Variants in HPSE2 observed in about 807,000 individuals in gnomAD.
HPSE2 encodes heparanase 2 (inactive).
In HPSE2, 38 loss-of-function variants were observed where a neutral mutation model predicts 60.5. The observed-to-expected ratio is 0.63, with a 90% CI of 0.48 to 0.82. The LOEUF (loss-of-function observed/expected upper bound fraction) is 0.82. HPSE2 is among the 40% of genes least tolerant of loss of function. HPSE2 has a pLI of 0.00. For synonymous variants in HPSE2, 295 were observed against 293.2 expected (o/e 1.01, Z -0.06); for missense variants, 713 against 740.4 (o/e 0.96, Z 0.43).
At chr10:98,667,066 T>C (rs2134101729) in intron 6 of HPSE2, among the ~76,000 whole-genome samples, 1 of 150,536 alleles carries the variant, frequency 6.6e-6, no homozygotes, top group Non-Finnish European at 1.5e-5. Flanking sequence ...ATAAGCACAA[T>C]CAGAAAGACA....
the HPSE2 span, among the ~76,000 whole-genome samples, chr10:99,241,222 A>G: frequency 6.6e-6 from 1 of 152,232 alleles, no homozygotes; most frequent in Non-Finnish European, 1.5e-5. Context: ...AAAGTATTGT[A>G]TAACCCTCCA....
Position 98,912,380 on chromosome 10 carries a change from A to G in HPSE2, c.611-168324T>C, listed in dbSNP as rs1255238707. Among the ~76,000 whole-genome samples the G allele has an allele frequency of 2.6e-5, 4 of 152,260 alleles. No individual in the cohort carries two copies. The East Asian group carries it at 7.7e-4, about 29-fold the overall frequency. ...CTACTTCATTGGCTAAAGATTCTCC[A>G]TTCAGGTTCCTCAAGAAAGTAAAAA... On this transcript the variant is annotated intron_variant, in intron 3 of 11. Transcript: ENST00000370552.
At chr10:98,607,225 G>A (rs934062008) in intron 9 of HPSE2, among the ~76,000 whole-genome samples, 1 of 152,028 alleles carries the variant, frequency 6.6e-6, no homozygotes, top group African/African-American at 2.4e-5. Context: ...CTGTCTGCAC[G>A]TTGCTTCAAG....
At chr10:98,521,972 G>A (rs762971588) in intron 9 of HPSE2, among the ~76,000 whole-genome samples, 5 of 151,990 alleles carry the variant, frequency 3.3e-5, no homozygotes, top group South Asian at 4.2e-4. Flanking sequence ...ATCACACACC[G>A]AGGCCTGTCA....
At chr10:99,220,478 G>A (rs1849270891) in intron 2 of HPSE2, among the ~76,000 whole-genome samples, 2 of 152,122 alleles carry the variant, frequency 1.3e-5, no homozygotes, top group South Asian at 4.1e-4. Context: ...ATACAGGTCA[G>A]ACTGTTGAAA....
At chr10:98,676,428 G>A (rs537779799) in intron 6 of HPSE2, among the ~76,000 whole-genome samples, 12 of 152,284 alleles carry the variant, frequency 7.9e-5, no homozygotes, top group African/African-American at 1.9e-4. Flanking sequence ...ATGAAATACT[G>A]TTCCCTTTTG....
chr10:98,991,326 C>CAG (rs1956518840), intron 3 of HPSE2, among the ~76,000 whole-genome samples: 1 of 152,094 alleles, frequency 6.6e-6, no homozygotes, highest in South Asian at 2.1e-4. Flanking sequence ...GATATATGAA[C>CAG]AGATGCCTGA....
At chr10:98,468,575 C>A (rs4145260) in intron 11 of HPSE2, among the ~76,000 whole-genome samples, 1 of 151,658 alleles carries the variant, frequency 6.6e-6, no homozygotes, top group Non-Finnish European at 1.5e-5. Flanking sequence ...TCCCTTTTAG[C>A]GTCCCTCTCA....
chr10:98,650,995 C>T (rs1565048690), intron 6 of HPSE2, among the ~76,000 whole-genome samples: 1 of 152,310 alleles, frequency 6.6e-6, no homozygotes, highest in Non-Finnish European at 1.5e-5. Context: ...CCAACACACA[C>T]ATCAAACTGC....
At chr10:98,649,841 C>T (rs1946869912) in intron 6 of HPSE2, among the ~76,000 whole-genome samples, 1 of 152,180 alleles carries the variant, frequency 6.6e-6, no homozygotes, top group South Asian at 2.1e-4. Flanking sequence ...CCTGTTTCAG[C>T]CATGATAGAA....
Position 98,804,044 on chromosome 10 carries a change from T to C in HPSE2, c.611-59988A>G, listed in dbSNP as rs969586344. On this transcript the variant is annotated intron_variant, in intron 3 of 11. Transcript: ENST00000370552. ...CCTTGAAGAGGTCCTTCACGTCCCT[T>C]GTAAGTTGGATTCCTAGGTATTTTA... Among the ~76,000 whole-genome samples, 3 of 152,164 alleles carry C rather than the reference T, an allele frequency of 2.0e-5. No homozygotes were observed. In the South Asian group the frequency reaches 6.2e-4, roughly 32 times the overall value.
chr10:98,809,982 G>A (rs550397575), intron 3 of HPSE2, among the ~76,000 whole-genome samples: 1 of 152,014 alleles, frequency 6.6e-6, no homozygotes, highest in African/African-American at 2.4e-5. Context: ...CTTGCCCCTC[G>A]TTTAGTCCAA....
intron 3 of HPSE2, among the ~76,000 whole-genome samples, chr10:98,991,015 T>C (rs976275810): frequency 1.3e-5 from 2 of 152,218 alleles, no homozygotes; most frequent in Non-Finnish European, 2.9e-5. Context: ...TGATCATGCA[T>C]ATTCCCACCT....
chr10:99,032,749 C>G (rs532722729), intron 3 of HPSE2, among the ~76,000 whole-genome samples: 2 of 152,274 alleles, frequency 1.3e-5, no homozygotes, highest in African/African-American at 4.8e-5. Context: ...AAGGGAGAGT[C>G]TATTTCTTTT....
intron 9 of HPSE2, among the ~76,000 whole-genome samples, chr10:98,543,561 A>G (rs915416594): frequency 1.3e-5 from 2 of 152,222 alleles, no homozygotes; most frequent in African/African-American, 4.8e-5. Flanking sequence ...AAGACCCATC[A>G]GTGTGCTGTA....
At chr10:99,024,830 A>C (rs548996719) in intron 3 of HPSE2, among the ~76,000 whole-genome samples, 2 of 152,292 alleles carry the variant, frequency 1.3e-5, no homozygotes, top group South Asian at 4.1e-4. Flanking sequence ...GTATCCTTGA[A>C]ACACGAAGGA....
rs1237562483 is a variant in HPSE2, at chr10:98,938,176, G to T, written c.611-194120C>A. The stretch of plus-strand genomic sequence containing the variant: ...GAAAAACTGGAAATTCTAAAAAGCA[G>T]AGCACCTCTCCTCCTCCAAAGGAAC... On this transcript the variant is annotated intron_variant, in intron 3 of 11. Coordinates refer to ENST00000370552, the MANE Select transcript of HPSE2 (RefSeq NM_021828.5). Among the ~76,000 whole-genome samples the T allele has an allele frequency of 1.4e-5, 2 of 144,632 alleles. 1 individual carries two copies. The highest frequency in any genetic ancestry group is 3.0e-5 in the Non-Finnish European group (2 of 67,332). 94.9% of individuals were successfully genotyped at this position (144,632 alleles called of 152,430 possible). A position where few individuals can be genotyped will look rare whatever the true frequency, so the allele number is the denominator to read the frequency against.
chr10:99,169,366 G>A (rs533865519), intron 2 of HPSE2, among the ~76,000 whole-genome samples: 102 of 150,826 alleles, frequency 6.8e-4, no homozygotes, highest in Non-Finnish European at 1.3e-3. Flanking sequence ...TTAGCCGGGC[G>A]TGGTGGCATG....
At chr10:98,773,099 T>C (rs1386022628) in intron 3 of HPSE2, among the ~76,000 whole-genome samples, 4 of 152,316 alleles carry the variant, frequency 2.6e-5, no homozygotes, top group East Asian at 3.9e-4. Flanking sequence ...GCCAGAGGCA[T>C]AGGAGCCTCC....
Sources: allele counts gnomAD v4.1 joint callset (sites outside exome capture counted in the v4.1 genomes callset), GRCh38; gene constraint gnomAD v4.1.1; transcripts MANE v1.5; gene names NCBI Gene and HGNC (gene_info 2026-07-23, HGNC 2026-07-21).